The following CSMD1 variants were observed in gnomAD, a reference collection of about 807,000 sequenced individuals.
CSMD1 encodes the protein CUB and Sushi multiple domains 1, also known as CUB and sushi domain-containing protein 1.
Under a neutral mutation model 417.5 loss-of-function variants are expected in CSMD1, and 213 were observed. The ratio of observed to expected loss-of-function variants is 0.51; its 90% confidence interval spans 0.46 to 0.57. The LOEUF (loss-of-function observed/expected upper bound fraction) is 0.57. CSMD1 is among the 20% of genes least tolerant of loss of function. The pLI, the probability that CSMD1 is intolerant of heterozygous loss-of-function variation, is 0.00. For missense variants in CSMD1, 6,923 were observed against 4,529.7 expected (o/e 1.53, Z -15.17); for synonymous variants, 2,862 against 1,736.8 (o/e 1.65, Z -16.11).
In CSMD1 at chr8:4,299,527, T is replaced by C. The variant is rs140822683; in HGVS notation, c.415+120426A>G. On this transcript the variant is annotated intron_variant, in intron 3 of 69. Transcript: ENST00000635120. ...AGACACCTTGTAAGTGCTGAGTATA[T>C]TGCAAAGAAAAATCAGTTTCTAGCT... Among the ~76,000 whole-genome samples the C allele has an allele frequency of 1.5e-3, 230 of 152,350 alleles. 2 individuals are homozygous for C. The highest frequency in any genetic ancestry group is 9.4e-4 in the Non-Finnish European group (64 of 68,046).
chr8:4,034,040 A>G (rs1390632334), intron 3 of CSMD1, among the ~76,000 whole-genome samples: 15 of 152,334 alleles, frequency 9.8e-5, no homozygotes, highest in Admixed American at 6.5e-4. Flanking sequence ...AATTGAACAG[A>G]AACTATTTCA....
At chr8:3,798,836 T>C (rs1343702756) in intron 5 of CSMD1, among the ~76,000 whole-genome samples, 1 of 152,066 alleles carries the variant, frequency 6.6e-6, no homozygotes, top group Non-Finnish European at 1.5e-5. Flanking sequence ...TAGTAAAATG[T>C]TGTATTTTCC....
intron 8 of CSMD1, among the ~76,000 whole-genome samples, chr8:3,599,634 A>T (rs1801264967): frequency 6.6e-6 from 1 of 152,350 alleles, no homozygotes; most frequent in Admixed American, 6.5e-5. Context: ...TCAGATCCCT[A>T]GGTTTATTCA....
At chr8:4,813,736 A>C (rs904484151) in intron 1 of CSMD1, among the ~76,000 whole-genome samples, 3 of 152,204 alleles carry the variant, frequency 2.0e-5, no homozygotes, top group Admixed American at 6.5e-5. Flanking sequence ...TAAACTACCG[A>C]CATACAGACT....
At chr8:3,632,267 A>C (rs940673289) in intron 7 of CSMD1, among the ~76,000 whole-genome samples, 1 of 152,162 alleles carries the variant, frequency 6.6e-6, no homozygotes, top group Non-Finnish European at 1.5e-5. Flanking sequence ...ATGCATCTTA[A>C]ATCAACAGTG....
At chr8:4,298,514 C>G (rs1797806223) in intron 3 of CSMD1, among the ~76,000 whole-genome samples, 1 of 152,090 alleles carries the variant, frequency 6.6e-6, no homozygotes, top group Admixed American at 6.6e-5. Context: ...AAAGCCCTGA[C>G]TTGACCTATA....
At chr8:3,652,838 C>T (rs919369774) in intron 7 of CSMD1, among the ~76,000 whole-genome samples, 3 of 152,254 alleles carry the variant, frequency 2.0e-5, no homozygotes, top group African/African-American at 7.2e-5. Flanking sequence ...TTGCTCACTA[C>T]CGTATTGGCA....
At position 3,051,210 on chromosome 8, in the gene CSMD1, G is replaced by C. The variant is rs564049688; in HGVS notation, c.7660+1252C>G. 1.1e-3 allele frequency among the ~76,000 whole-genome samples: 162 copies of C among 152,322 alleles called. No individual in the cohort carries two copies. In the South Asian group the frequency reaches 0.021, roughly 20 times the overall value. ...ATGGAATCAACCCAAATGCCCATCA[G>C]TGGTAGACTGCATACAGCAAATGTG... On this transcript the variant is annotated intron_variant, in intron 50 of 69. Transcript: ENST00000635120.
intron 1 of CSMD1, among the ~76,000 whole-genome samples, chr8:4,751,199 A>T (rs548625229): frequency 1.3e-5 from 2 of 152,318 alleles, no homozygotes; most frequent in South Asian, 4.1e-4. Context: ...AGCCTGGCCA[A>T]CATGGCGAAG....
chr8:4,795,341 G>C lies in CSMD1; in HGVS notation c.86-157783C>G, dbSNP rs548849660. On this transcript the variant is annotated intron_variant, in intron 1 of 69. Transcript: ENST00000635120. ...GGCTGGAGTGCAGTGACACGATCTT[G>C]GCTCACTGCAAGCTCCGCCTCCCAG... 2.0e-4 allele frequency among the ~76,000 whole-genome samples: 25 copies of C among 124,692 alleles called. No homozygotes were observed. The Admixed American group carries it at 2.5e-3, about 13-fold the overall frequency. 81.8% of individuals were successfully genotyped at this position (124,692 alleles called of 152,430 possible). A position where few individuals can be genotyped will look rare whatever the true frequency, so the allele number is the denominator to read the frequency against.
intron 25 of CSMD1, among the ~76,000 whole-genome samples, chr8:3,293,509 G>T (rs907826023): frequency 6.6e-6 from 1 of 152,102 alleles, no homozygotes; most frequent in African/African-American, 2.4e-5. Flanking sequence ...ATATTTCTTG[G>T]AGGCTTTGTT....
chr8:4,238,477 G>T (rs1585077114), intron 3 of CSMD1, among the ~76,000 whole-genome samples: 1 of 152,242 alleles, frequency 6.6e-6, no homozygotes, highest in East Asian at 1.9e-4. Context: ...ACTGCCTTAG[G>T]GTAAGGAGGC....
At chr8:4,617,654 A>G (rs1321842392) in intron 2 of CSMD1, among the ~76,000 whole-genome samples, 3 of 152,128 alleles carry the variant, frequency 2.0e-5, no homozygotes, top group Non-Finnish European at 4.4e-5. Context: ...CATGTGGCTG[A>G]AGTCTCATTG....
intron 7 of CSMD1, among the ~76,000 whole-genome samples, chr8:3,702,540 T>C (rs1362413578): frequency 6.6e-6 from 1 of 152,140 alleles, no homozygotes; most frequent in Non-Finnish European, 1.5e-5. Context: ...CATTAAAAAA[T>C]AGAGTGCTGG....
At chr8:4,012,210 G>C (rs534672803) in intron 4 of CSMD1, among the ~76,000 whole-genome samples, 4 of 151,992 alleles carry the variant, frequency 2.6e-5, no homozygotes, top group Admixed American at 6.6e-5. Flanking sequence ...ATTCTATGCC[G>C]TTTTACTCAC....
chr8:3,697,137 G>T (rs1488529662), intron 7 of CSMD1, among the ~76,000 whole-genome samples: 1 of 152,140 alleles, frequency 6.6e-6, no homozygotes, highest in East Asian at 1.9e-4. Context: ...TCATCATTCA[G>T]TCTAAATTGG....
intron 2 of CSMD1, among the ~76,000 whole-genome samples, chr8:4,429,153 T>C (rs1206215733): frequency 2.0e-5 from 3 of 150,766 alleles, no homozygotes; most frequent in South Asian, 2.1e-4. Context: ...AATTGGATTA[T>C]TATATATAAT....
chr8:4,769,552 C>A (rs1368996374), intron 1 of CSMD1, among the ~76,000 whole-genome samples: 2 of 152,116 alleles, frequency 1.3e-5, no homozygotes, highest in Non-Finnish European at 2.9e-5. Context: ...ACCTATGTCA[C>A]CAAACAGCAA....
intron 3 of CSMD1, among the ~76,000 whole-genome samples, chr8:4,033,725 T>C (rs1380767083): frequency 7.9e-5 from 12 of 152,200 alleles, no homozygotes; most frequent in Non-Finnish European, 1.8e-4. Context: ...CTCTTTTCAT[T>C]GACAATTTCA....
Sources: allele counts gnomAD v4.1 joint callset (sites outside exome capture counted in the v4.1 genomes callset), GRCh38; gene constraint gnomAD v4.1.1; transcripts MANE v1.5; gene names NCBI Gene and HGNC (gene_info 2026-07-23, HGNC 2026-07-21).